The following ZNF329 variants were observed in gnomAD, a reference collection of about 807,000 sequenced individuals.
ZNF329 encodes zinc finger protein 329.
Under a neutral mutation model 26.6 loss-of-function variants are expected in ZNF329, and 15 were observed. The ratio of observed to expected loss-of-function variants is 0.56; its 90% confidence interval spans 0.38 to 0.87. The LOEUF (loss-of-function observed/expected upper bound fraction) is 0.87. Among genes scored for constraint, ZNF329 ranks in the 40% least tolerant of loss-of-function variants. The pLI is 0.00. For missense variants in ZNF329, 651 were observed against 651.9 expected, an observed-to-expected ratio of 1.00 and a Z score of 0.02; for synonymous variants, 239 against 233.5, an observed-to-expected ratio of 1.02 and a Z score of -0.21.
intron 1 of ZNF329, 83 bp from the exon 2 acceptor site, chr19:58,143,281 C>T (rs2075227298): frequency 6.9e-6 from 1 of 145,562 alleles, no homozygotes; most frequent in South Asian, 2.1e-4. Context: ...TTACTCAAGA[C>T]CTGAGAGGGC....
Position 58,128,794 on chromosome 19 carries a change from C to T in ZNF329, c.710G>A (p.Gly237Glu), listed in dbSNP as rs769409887. The T allele has an allele frequency of 1.2e-6, 2 of 1,601,012 alleles. No individual in the cohort carries two copies. The highest frequency in any genetic ancestry group is 1.7e-4 in the Middle Eastern group (1 of 5,964). Residue 237 changes from glycine (G) to glutamate (E), a missense_variant, in exon 4 of 4, where the codon GGA becomes GAA. Gly to Glu is a moderately conservative substitution (Grantham distance 98). Coordinates refer to ENST00000598312, the MANE Select transcript of ZNF329 (RefSeq NM_024620.4). ...GTTGTAGTTCTTGGAGAAGGACTTT[C>T]CACACTCATTACAAGTATAAGGCTT... The part of the protein sequence containing the change: ...GEKPYTCNEC[G>E]KSFSKNYNLI...
chr19:58,133,403 T>A (rs563331922), intron 3 of ZNF329, among the ~76,000 whole-genome samples: 252 of 151,252 alleles, frequency 1.7e-3, no homozygotes, highest in Non-Finnish European at 3.0e-3. Context: ...CTGGGCAACA[T>A]GGTGAAACCC....
chr19:58,151,198 C>T (rs568675061), upstream of ZNF329, among the ~76,000 whole-genome samples: 1 of 152,042 alleles, frequency 6.6e-6, no homozygotes, highest in Admixed American at 6.6e-5. Flanking sequence ...GTAAACAAAG[C>T]CAGTAACTTT....
chr19:58,137,552 A>G (rs1368005473), intron 3 of ZNF329, among the ~76,000 whole-genome samples: 3 of 126,160 alleles, frequency 2.4e-5, no homozygotes, highest in African/African-American at 7.9e-5. Flanking sequence ...AGACTGCCTC[A>G]GGGGAAAAAA....
intron 1 of ZNF329, among the ~76,000 whole-genome samples, chr19:58,147,439 C>T (rs373337854): frequency 0.081 from 11,746 of 145,586 alleles, 683 homozygotes; most frequent in East Asian, 0.12. Context: ...GCCCCCCGCC[C>T]GGCCAGCCGC....
chr19:58,138,472 G>A (rs979683383), intron 3 of ZNF329, among the ~76,000 whole-genome samples: 8 of 152,172 alleles, frequency 5.3e-5, no homozygotes, highest in African/African-American at 1.9e-4. Context: ...GTGATGTGGA[G>A]GGGCCAGCCA....
At chr19:58,145,269 G>A (rs982175816) in intron 1 of ZNF329, among the ~76,000 whole-genome samples, 15 of 149,686 alleles carry the variant, frequency 1.0e-4, no homozygotes, top group Non-Finnish European at 1.9e-4. Flanking sequence ...GGATTAAGGC[G>A]TGAGCCACCA....
intron 3 of ZNF329, among the ~76,000 whole-genome samples, chr19:58,133,325 C>T (rs1392303286): frequency 6.6e-6 from 1 of 152,168 alleles, no homozygotes; most frequent in Non-Finnish European, 1.5e-5. Flanking sequence ...GTGGCTCATA[C>T]CTGTACTCTC....
chr19:58,146,744 G>T (rs1445939761), intron 1 of ZNF329, among the ~76,000 whole-genome samples: 1 of 152,170 alleles, frequency 6.6e-6, no homozygotes, highest in Non-Finnish European at 1.5e-5. Flanking sequence ...GTGGAGACGG[G>T]GTTTCGCTGT....
At chr19:58,135,987 C>CT (rs1246196222) in intron 3 of ZNF329, among the ~76,000 whole-genome samples, 1 of 152,146 alleles carries the variant, frequency 6.6e-6, no homozygotes, top group African/African-American at 2.4e-5. Context: ...AATCCCAGCA[C>CT]TTTAGGGGGC....
At chr19:58,153,483 C>G (rs1487602919), upstream of ZNF329, among the ~76,000 whole-genome samples, 1 of 152,174 alleles carries the variant, frequency 6.6e-6, no homozygotes, top group Non-Finnish European at 1.5e-5. Context: ...ATATTTTCAG[C>G]TTTGCAGACC....
intron 1 of ZNF329, among the ~76,000 whole-genome samples, chr19:58,148,525 T>C (rs1156903438): frequency 1.3e-5 from 2 of 149,672 alleles, no homozygotes; most frequent in African/African-American, 4.9e-5. Context: ...TATACTTGGG[T>C]GTGATAATAA....
chr19:58,148,503 A>G lies in ZNF329; in HGVS notation c.-208+2249T>C, dbSNP rs114367090. On this transcript the variant is annotated intron_variant, in intron 1 of 3. Transcript: ENST00000598312. Reference sequence around the variant, plus strand: ...CAAATAAAAAACAATTAGTTTTTTGAAAAAAAAAAAGTATACTTGGGTGTG... The same window carrying G: ...CAAATAAAAAACAATTAGTTTTTTGGAAAAAAAAAAGTATACTTGGGTGTG... Among the ~76,000 whole-genome samples the G allele has an allele frequency of 2.6e-4, 35 of 133,850 alleles. No homozygotes were observed. In the South Asian group the frequency reaches 3.6e-3, roughly 14 times the overall value. 87.8% of individuals were successfully genotyped at this position (133,850 alleles called of 152,430 possible). A position where few individuals can be genotyped will look rare whatever the true frequency, so the allele number is the denominator to read the frequency against.
intron 1 of ZNF329, among the ~76,000 whole-genome samples, chr19:58,149,726 CAAA>C (rs1229830373): frequency 2.0e-5 from 3 of 151,950 alleles, no homozygotes; most frequent in Non-Finnish European, 4.4e-5. Context: ...TTTAACTTGG[CAAA>C]AAATAAAGGA....
upstream of ZNF329, among the ~76,000 whole-genome samples, chr19:58,153,142 C>T (rs1230835045): frequency 6.6e-6 from 1 of 152,114 alleles, no homozygotes; most frequent in Non-Finnish European, 1.5e-5. Flanking sequence ...CTGAGTCTCA[C>T]TCTGTCCCCC....
intron 3 of ZNF329, chr19:58,137,031 C>T (rs1461370376): frequency 1.6e-5 from 3 of 188,148 alleles, no homozygotes; most frequent in African/African-American, 7.1e-5. Context: ...GGAGTAAGTC[C>T]CACCTTCAAC....
At chr19:58,138,255 T>C (rs2146094024) in intron 3 of ZNF329, among the ~76,000 whole-genome samples, 1 of 152,282 alleles carries the variant, frequency 6.6e-6, no homozygotes, top group East Asian at 1.9e-4. Flanking sequence ...TACTCTCAGA[T>C]TCAAGTAATA....
At chr19:58,129,614 T>G in intron 3 of ZNF329, 103 bp from the exon 4 acceptor site, 1 of 1,056,180 alleles carries the variant, frequency 9.5e-7, no homozygotes, top group Non-Finnish European at 1.3e-6. Flanking sequence ...ATTTTTTTAC[T>G]TGTTTTCTCT....
chr19:58,153,042 G>A (rs2075485873), upstream of ZNF329, among the ~76,000 whole-genome samples: 2 of 152,162 alleles, frequency 1.3e-5, no homozygotes, highest in South Asian at 4.2e-4. Flanking sequence ...TAATAACAAG[G>A]GTGTTTTTTC....
Sources: allele counts gnomAD v4.1 joint callset (sites outside exome capture counted in the v4.1 genomes callset), GRCh38; gene constraint gnomAD v4.1.1; transcripts MANE v1.5; gene names NCBI Gene and HGNC (gene_info 2026-07-23, HGNC 2026-07-21).